UBR1: variants seen among roughly 807,000 people sequenced by gnomAD.
UBR1 encodes ubiquitin protein ligase E3 component n-recognin 1.
In UBR1, 102 loss-of-function variants were observed where a neutral mutation model predicts 242.1. The observed-to-expected ratio is 0.42, with a 90% CI of 0.36 to 0.50. The LOEUF (loss-of-function observed/expected upper bound fraction) is 0.50. Among genes scored for constraint, UBR1 ranks in the 20% least tolerant of loss-of-function variants. UBR1 has a pLI of 0.01. For synonymous variants in UBR1, 675 were observed against 684.8 expected (o/e 0.99, Z 0.22); for missense variants, 1,772 against 2,101.8 (o/e 0.84, Z 3.07).
At chr15:43,104,049 C>A (rs1369359796) in intron 1 of UBR1, among the ~76,000 whole-genome samples, 1 of 152,132 alleles carries the variant, frequency 6.6e-6, no homozygotes, top group East Asian at 1.9e-4. Flanking sequence ...ATTACTCTAC[C>A]TTGAATTAAA....
At chr15:42,984,103 G>T in intron 36 of UBR1, 110 bp from the exon 37 acceptor site, 1 of 695,458 alleles carries the variant, frequency 1.4e-6, no homozygotes, top group South Asian at 1.8e-5. Flanking sequence ...ATTAGCTGCA[G>T]ACTCATTATA....
chr15:43,040,230 T>C (rs977163322), intron 15 of UBR1, among the ~76,000 whole-genome samples: 1 of 152,178 alleles, frequency 6.6e-6, no homozygotes, highest in Non-Finnish European at 1.5e-5. Flanking sequence ...AAAAACAGCA[T>C]GGTACTGGTA....
chr15:43,105,593 G>C (rs976104088), intron 1 of UBR1, among the ~76,000 whole-genome samples: 1 of 152,112 alleles, frequency 6.6e-6, no homozygotes, highest in Non-Finnish European at 1.5e-5. Flanking sequence ...CCATCATCAA[G>C]AGTAAAGGGT....
chr15:43,067,941 T>C lies in UBR1; in HGVS notation c.755A>G (p.Glu252Gly). 6.2e-7 allele frequency: 1 copy of C among 1,613,976 alleles called. No homozygotes were observed. Among genetic ancestry groups the C allele is most frequent in the South Asian group, 1.1e-5 (1 of 91,070 alleles). Residue 252 changes from glutamate to glycine, a missense_variant, in exon 6 of 47, where the codon GAG becomes GGG. Glu to Gly is a moderately conservative substitution (Grantham distance 98). Transcript: ENST00000290650. ...IYSLQRALDC[E>G]LAEAQLHTTA... ...GGTATGCAACTGGGCCTCTGCGAGC[T>C]CACAGTCAAGAGCTCTTTGTAGGCT...
chr15:42,953,999 C>T (rs1407368624), intron 44 of UBR1, among the ~76,000 whole-genome samples: 2 of 151,554 alleles, frequency 1.3e-5, no homozygotes, highest in African/African-American at 4.9e-5. Flanking sequence ...CTTCTCTCCT[C>T]AGCATCCCGA....
intron 1 of UBR1, among the ~76,000 whole-genome samples, chr15:43,088,061 C>A (rs943615424): frequency 6.6e-6 from 1 of 152,194 alleles, no homozygotes; most frequent in Non-Finnish European, 1.5e-5. Context: ...AAAAACTTAG[C>A]GTTCACTGTG....
chr15:42,998,073 A>G, intron 33 of UBR1, 95 bp downstream of exon 33: 3 of 1,095,628 alleles, frequency 2.7e-6, no homozygotes, highest in Non-Finnish European at 3.9e-6. Flanking sequence ...AGAAATCTGT[A>G]CTTGCAAACC....
intron 1 of UBR1, among the ~76,000 whole-genome samples, chr15:43,090,767 A>G (rs1206849249): frequency 6.6e-6 from 1 of 152,164 alleles, no homozygotes; most frequent in East Asian, 1.9e-4. Context: ...AGCCCCTCAC[A>G]TTTCATAGAT....
chr15:43,017,101 A>C lies in UBR1; in HGVS notation c.3021T>G (p.Asn1007Lys), dbSNP rs148993210. Residue 1007 changes from asparagine (N) to lysine (K), a missense_variant, in exon 28 of 47, where the codon AAT (asparagine) becomes AAG (lysine). By Grantham distance (94) the Asn-to-Lys change is moderately conservative. Coordinates refer to ENST00000290650, the MANE Select transcript of UBR1 (RefSeq NM_174916.3). ...TGTTATTACAGTGTCATACCTCATCATTCTTAATAGATTCCGATCCTGATG... is the reference window on the plus strand; with the variant it reads ...TGTTATTACAGTGTCATACCTCATCCTTCTTAATAGATTCCGATCCTGATG... ...ATTSGSESIKNDEITHDKEKA... is the reference protein window; with the variant it reads ...ATTSGSESIKKDEITHDKEKA... 2 of 1,612,312 alleles carry C rather than the reference A, an allele frequency of 1.2e-6. No homozygotes were observed. Among genetic ancestry groups the C allele is most frequent in the South Asian group, 1.1e-5 (1 of 91,032 alleles).
At chr15:42,996,712 A>G (rs973845803) in intron 33 of UBR1, among the ~76,000 whole-genome samples, 1 of 152,166 alleles carries the variant, frequency 6.6e-6, no homozygotes, top group Non-Finnish European at 1.5e-5. Context: ...TACATCCTTC[A>G]TTTTCCTTAA....
chr15:42,954,313 T>C (rs1224840448), intron 44 of UBR1, among the ~76,000 whole-genome samples: 1 of 152,126 alleles, frequency 6.6e-6, no homozygotes, highest in Non-Finnish European at 1.5e-5. Context: ...AATTAGCTAA[T>C]TGTTTGAGGG....
chr15:43,071,459 A>G (rs2141347380), intron 4 of UBR1, among the ~76,000 whole-genome samples: 1 of 152,362 alleles, frequency 6.6e-6, no homozygotes. Flanking sequence ...GGCTGGGTGT[A>G]GGCAGAAGGT....
At chr15:43,102,196 T>C (rs1364152520) in intron 1 of UBR1, among the ~76,000 whole-genome samples, 1 of 152,148 alleles carries the variant, frequency 6.6e-6, no homozygotes, top group Non-Finnish European at 1.5e-5. Context: ...GCCTAATCTA[T>C]CAGCAAGTCT....
intron 10 of UBR1, among the ~76,000 whole-genome samples, chr15:43,057,569 C>T (rs12050596): frequency 0.86 from 130,415 of 152,254 alleles, 55,966 homozygotes; most frequent in Non-Finnish European, 0.89. Context: ...AAGAGATACA[C>T]GATAGATTAA....
chr15:43,079,036 A>G (rs1324916897), intron 3 of UBR1, among the ~76,000 whole-genome samples: 2 of 152,234 alleles, frequency 1.3e-5, no homozygotes, highest in Non-Finnish European at 2.9e-5. Flanking sequence ...CAAAGCAGGA[A>G]TACAAGAGAA....
chr15:43,077,956 T>C (rs1024616733), intron 3 of UBR1, among the ~76,000 whole-genome samples: 4 of 152,138 alleles, frequency 2.6e-5, no homozygotes, highest in African/African-American at 9.7e-5. Context: ...CAGCATTTAC[T>C]AGGAGAACAA....
chr15:42,984,831 T>TG lies in UBR1; in HGVS notation c.4053+55dup, dbSNP rs899005236. On this transcript the variant is annotated intron_variant, in intron 36 of 46. Coordinates refer to ENST00000290650, the MANE Select transcript of UBR1 (RefSeq NM_174916.3). ...ATTTTTTGTTTTTAATAATAAACTG[T>TG]GGGGGGGAAAAAAGGCATGCCATGA... 120 of 1,448,942 alleles carry TG rather than the reference T, an allele frequency of 8.3e-5. No individual in the cohort carries two copies. The Middle Eastern group carries it at 1.1e-3, about 13-fold the overall frequency. 89.8% of individuals were successfully genotyped at this position (1,448,942 alleles called of 1,614,324 possible).
At chr15:42,986,720 T>C (rs532083542) in intron 35 of UBR1, among the ~76,000 whole-genome samples, 4 of 152,272 alleles carry the variant, frequency 2.6e-5, no homozygotes, top group Non-Finnish European at 5.9e-5. Flanking sequence ...TGACTTTTTT[T>C]CCCCCAAGCA....
chr15:43,004,060 AAAGAG>A, intron 30 of UBR1, 130 bp from the exon 31 acceptor site: 1 of 786,052 alleles, frequency 1.3e-6, no homozygotes, highest in Non-Finnish European at 2.2e-6. Flanking sequence ...ATAGTAACAA[AAAGAG>A]AAAAGTAATA....
Sources: gnomAD v4.1 joint callset for allele counts (sites outside exome capture counted in the v4.1 genomes callset) on GRCh38, gnomAD v4.1.1 for gene constraint, MANE v1.5 for transcripts, NCBI Gene and HGNC (gene_info 2026-07-23, HGNC 2026-07-21) for gene names.